The following TAFA1 variants were observed in gnomAD, a reference collection of about 807,000 sequenced individuals.
TAFA1 encodes the protein chemokine-like protein TAFA-1.
A neutral mutation model predicts 18.5 loss-of-function variants in TAFA1; 4 were observed. That is an observed-to-expected ratio of 0.22 (90% CI 0.11 to 0.49). The LOEUF is 0.49. Ranked by LOEUF, TAFA1 falls within the 20% of genes least tolerant of loss-of-function variation. TAFA1 has a pLI of 0.98. For missense variants in TAFA1, 147 were observed against 169.0 expected, an observed-to-expected ratio of 0.87 and a Z score of 0.72; for synonymous variants, 56 against 55.2, an observed-to-expected ratio of 1.01 and a Z score of -0.06.
At chr3:68,231,689 T>C (rs772041545) in intron 2 of TAFA1, among the ~76,000 whole-genome samples, 12 of 152,188 alleles carry the variant, frequency 7.9e-5, no homozygotes, top group Non-Finnish European at 7.3e-5. Context: ...AACAGCTTTA[T>C]TGAGATATAA....
intron 3 of TAFA1, among the ~76,000 whole-genome samples, chr3:68,429,924 T>A (rs2071136412): frequency 6.6e-6 from 1 of 151,922 alleles, no homozygotes; most frequent in Non-Finnish European, 1.5e-5. Flanking sequence ...TGTTGACTTG[T>A]TATCTCCTTT....
In TAFA1 at chr3:68,351,149, T is replaced by C. The variant is rs919805674; in HGVS notation, c.119-66131T>C. ...TGGTGCTAGAACCCAGGCATCAGTA[T>C]TGTTAAAATTCCTTGGGTGTTTCTA... On this transcript the variant is annotated intron_variant, in intron 2 of 4. Coordinates refer to ENST00000478136, the MANE Select transcript of TAFA1 (RefSeq NM_213609.4). 6.8e-4 allele frequency among the ~76,000 whole-genome samples: 103 copies of C among 152,204 alleles called. 1 individual carries two copies. The highest frequency in any genetic ancestry group is 3.4e-3 in the Middle Eastern group (1 of 294).
At chr3:68,209,114 G>T (rs750273366) in intron 2 of TAFA1, among the ~76,000 whole-genome samples, 3 of 151,980 alleles carry the variant, frequency 2.0e-5, no homozygotes, top group African/African-American at 7.2e-5. Flanking sequence ...GCAAGGAAAT[G>T]AATTCTGCCA....
In TAFA1 at chr3:68,114,173, C is replaced by T. The variant is rs555477582; in HGVS notation, c.118+107429C>T. On this transcript the variant is annotated intron_variant, in intron 2 of 4. Coordinates refer to ENST00000478136, the MANE Select transcript of TAFA1 (RefSeq NM_213609.4). Reference sequence around the variant, plus strand: ...GATCTCTTGGATCCCAGATAGCCTACAGGAGGACGTAGGAGACGTGGCCTT... The same window carrying T: ...GATCTCTTGGATCCCAGATAGCCTATAGGAGGACGTAGGAGACGTGGCCTT... 2.2e-4 allele frequency among the ~76,000 whole-genome samples: 34 copies of T among 152,048 alleles called. No homozygotes were observed. The South Asian group carries it at 5.6e-3, about 25-fold the overall frequency.
intron 2 of TAFA1, among the ~76,000 whole-genome samples, chr3:68,105,477 A>T (rs1027036122): frequency 6.6e-6 from 1 of 152,180 alleles, no homozygotes; most frequent in Non-Finnish European, 1.5e-5. Flanking sequence ...AGGTTATCTT[A>T]ATCCTATGAC....
chr3:68,518,922 C>T (rs2072971663), intron 3 of TAFA1, among the ~76,000 whole-genome samples: 1 of 152,158 alleles, frequency 6.6e-6, no homozygotes, highest in African/African-American at 2.4e-5. Context: ...TTGGATCATT[C>T]CAGGGCAACA....
chr3:68,447,852 G>A (rs1575875891), intron 3 of TAFA1, among the ~76,000 whole-genome samples: 1 of 152,198 alleles, frequency 6.6e-6, no homozygotes, highest in Admixed American at 6.6e-5. Context: ...GCTGTAAGCA[G>A]TAAACAAAAG....
intron 2 of TAFA1, among the ~76,000 whole-genome samples, chr3:68,228,775 T>G (rs1050372539): frequency 6.6e-6 from 1 of 152,206 alleles, no homozygotes; most frequent in Non-Finnish European, 1.5e-5. Context: ...ATGCCAAGAC[T>G]GGAATAAAAC....
At chr3:68,203,323 A>G (rs536297237) in intron 2 of TAFA1, among the ~76,000 whole-genome samples, 1 of 150,328 alleles carries the variant, frequency 6.7e-6, no homozygotes, top group South Asian at 2.1e-4. Context: ...ACCTTTCTGG[A>G]TCTGTGGTTT....
rs1051104513 is a variant in TAFA1, at chr3:68,011,056, A to T, written c.118+4312A>T. Among the ~76,000 whole-genome samples, 3 of 123,592 alleles carry T rather than the reference A, an allele frequency of 2.4e-5. No individual in the cohort carries two copies. In the East Asian group the frequency reaches 7.6e-4, roughly 31 times the overall value. 81.1% of individuals were successfully genotyped at this position (123,592 alleles called of 152,430 possible). A position where few individuals can be genotyped will look rare whatever the true frequency, so the allele number is the denominator to read the frequency against. On this transcript the variant is annotated intron_variant, in intron 2 of 4. Coordinates refer to ENST00000478136, the MANE Select transcript of TAFA1 (RefSeq NM_213609.4). Reference sequence around the variant, plus strand: ...AATCATAATTTTCTGTTTTAGGATGAGTTTTTCCCCTTATGGATATATGAA... The same window carrying T: ...AATCATAATTTTCTGTTTTAGGATGTGTTTTTCCCCTTATGGATATATGAA...
intron 2 of TAFA1, among the ~76,000 whole-genome samples, chr3:68,374,397 T>C (rs970911104): frequency 6.6e-6 from 1 of 152,180 alleles, no homozygotes; most frequent in African/African-American, 2.4e-5. Context: ...GAGTGAGTTC[T>C]GAGCAAGTTA....
intron 2 of TAFA1, among the ~76,000 whole-genome samples, chr3:68,163,384 C>T (rs545968289): frequency 3.3e-5 from 5 of 152,252 alleles, no homozygotes; most frequent in Admixed American, 2.0e-4. Flanking sequence ...TCCACTGGTT[C>T]CACCCATATG....
intron 3 of TAFA1, among the ~76,000 whole-genome samples, chr3:68,454,000 C>T (rs2071612416): frequency 1.3e-5 from 2 of 152,198 alleles, no homozygotes; most frequent in East Asian, 3.9e-4. Flanking sequence ...TTTGCACATC[C>T]CGTGGAAGTT....
chr3:68,529,436 T>TAAAAAAAA lies in TAFA1; in HGVS notation c.260-9297_260-9290dup, dbSNP rs533214097. Among the ~76,000 whole-genome samples, 36 of 77,066 alleles carry TAAAAAAAA rather than the reference T, an allele frequency of 4.7e-4. 2 individuals carry two copies. Among genetic ancestry groups the TAAAAAAAA allele is most frequent in the African/African-American group, 1.5e-3 (33 of 22,060 alleles). 50.6% of individuals were successfully genotyped at this position (77,066 alleles called of 152,430 possible). On this transcript the variant is annotated intron_variant, in intron 3 of 4. Transcript: ENST00000478136. ...CATGGAATCTAGATTCACCATTCTC[T>TAAAAAAAA]AAAAAAAAAAAAAAAAAAAAAAAAA...
intron 3 of TAFA1, among the ~76,000 whole-genome samples, chr3:68,427,471 G>T (rs902303921): frequency 3.3e-5 from 5 of 151,858 alleles, no homozygotes; most frequent in Non-Finnish European, 7.4e-5. Context: ...ACTGGAAGCT[G>T]CCAAGGATAC....
At chr3:68,522,568 G>T (rs897848289) in intron 3 of TAFA1, among the ~76,000 whole-genome samples, 1 of 152,194 alleles carries the variant, frequency 6.6e-6, no homozygotes, top group African/African-American at 2.4e-5. Context: ...GGCACTTGAG[G>T]CCAGGTACAG....
intron 3 of TAFA1, among the ~76,000 whole-genome samples, chr3:68,528,607 A>C (rs1294869319): frequency 6.6e-6 from 1 of 152,198 alleles, no homozygotes; most frequent in Non-Finnish European, 1.5e-5. Context: ...GAGGCTGGAG[A>C]TCTGTCCCAT....
chr3:68,060,070 A>G (rs928231084), intron 2 of TAFA1, among the ~76,000 whole-genome samples: 5 of 145,044 alleles, frequency 3.4e-5, no homozygotes, highest in African/African-American at 1.3e-4. Flanking sequence ...TTACTGAAGG[A>G]AAAAAAAAAC....
At chr3:68,343,349 A>G (rs1253156926) in intron 2 of TAFA1, among the ~76,000 whole-genome samples, 1 of 152,208 alleles carries the variant, frequency 6.6e-6, no homozygotes, top group African/African-American at 2.4e-5. Context: ...CCGGTAGTTT[A>G]CATTTTTAAA....
Sources: allele counts gnomAD v4.1 joint callset (sites outside exome capture counted in the v4.1 genomes callset), GRCh38; gene constraint gnomAD v4.1.1; transcripts MANE v1.5; gene names NCBI Gene and HGNC (gene_info 2026-07-23, HGNC 2026-07-21).